The following ARHGAP24 variants were observed in gnomAD, a reference collection of about 807,000 sequenced individuals.
ARHGAP24 encodes the protein rho GTPase-activating protein 24.
A neutral mutation model predicts 76.4 loss-of-function variants in ARHGAP24; 50 were observed. The ratio of observed to expected loss-of-function variants is 0.65; its 90% CI spans 0.52 to 0.83. The LOEUF is 0.83. Among genes scored for constraint, ARHGAP24 ranks in the 40% least tolerant of loss-of-function variants. The pLI is 0.00. For missense variants in ARHGAP24, 930 were observed against 914.2 expected (o/e 1.02, Z -0.22); for synonymous variants, 345 against 323.3 (o/e 1.07, Z -0.72).
At chr4:85,755,717 C>G (rs1726466575) in intron 3 of ARHGAP24, among the ~76,000 whole-genome samples, 1 of 148,352 alleles carries the variant, frequency 6.7e-6, no homozygotes. Context: ...ACTACAACCT[C>G]TGCCTCCCAG....
At chr4:85,593,508 A>T (rs1026999654) in intron 2 of ARHGAP24, among the ~76,000 whole-genome samples, 7 of 152,034 alleles carry the variant, frequency 4.6e-5, no homozygotes, top group African/African-American at 1.4e-4. Context: ...TCCTTGTGGG[A>T]TACTACTCAA....
chr4:85,493,754 C>G (rs765146007), intron 1 of ARHGAP24, among the ~76,000 whole-genome samples: 4 of 152,198 alleles, frequency 2.6e-5, no homozygotes, highest in Non-Finnish European at 4.4e-5. Flanking sequence ...AACCAAAAAT[C>G]TGGGTGTTAC....
At chr4:85,921,336 A>G (rs1735710306) in intron 3 of ARHGAP24, among the ~76,000 whole-genome samples, 1 of 152,166 alleles carries the variant, frequency 6.6e-6, no homozygotes, top group Non-Finnish European at 1.5e-5. Context: ...AATAGTGAGA[A>G]CACATAGGCA....
intron 3 of ARHGAP24, among the ~76,000 whole-genome samples, chr4:85,874,695 A>T (rs1578328730): frequency 1.3e-5 from 2 of 148,516 alleles, no homozygotes; most frequent in East Asian, 2.0e-4. Context: ...TATTGTATTT[A>T]AAAAAATAAT....
At chr4:85,722,897 T>C (rs1725008975) in intron 3 of ARHGAP24, among the ~76,000 whole-genome samples, 2 of 152,202 alleles carry the variant, frequency 1.3e-5, no homozygotes, top group Non-Finnish European at 2.9e-5. Context: ...ATGCTGGGAA[T>C]CTAAAATGGA....
chr4:85,966,041 C>T (rs746217900), intron 5 of ARHGAP24, among the ~76,000 whole-genome samples: 1 of 152,106 alleles, frequency 6.6e-6, no homozygotes, highest in African/African-American at 2.4e-5. Context: ...AATTGGAAAT[C>T]TAAGATCAGG....
At chr4:85,588,303 C>A (rs2109978086) in intron 2 of ARHGAP24, among the ~76,000 whole-genome samples, 1 of 152,288 alleles carries the variant, frequency 6.6e-6, no homozygotes, top group South Asian at 2.1e-4. Context: ...CTTCTTGCTG[C>A]CTTTTAATGT....
At chr4:85,885,790 A>G (rs1196311811) in intron 3 of ARHGAP24, among the ~76,000 whole-genome samples, 1 of 152,172 alleles carries the variant, frequency 6.6e-6, no homozygotes, top group East Asian at 1.9e-4. Flanking sequence ...GTCATTTAAC[A>G]TCTGAGCTTT....
intron 3 of ARHGAP24, among the ~76,000 whole-genome samples, chr4:85,769,744 C>T (rs1316826852): frequency 1.3e-5 from 2 of 151,804 alleles, no homozygotes; most frequent in Admixed American, 6.6e-5. Context: ...CCCGCCACTA[C>T]GCCCAGCTAA....
At chr4:85,506,873 C>A in intron 1 of ARHGAP24, among the ~76,000 whole-genome samples, 1 of 128,836 alleles carries the variant, frequency 7.8e-6, no homozygotes, top group East Asian at 2.4e-4. Flanking sequence ...ATTCGGCTAT[C>A]TTGGAATGGG....
At chr4:85,860,129 G>A (rs4693749) in intron 3 of ARHGAP24, among the ~76,000 whole-genome samples, 72,378 of 151,952 alleles carry the variant, frequency 0.48, 18,760 homozygotes, top group East Asian at 0.86. Flanking sequence ...GCTTGCCACG[G>A]GAAGTGTATT....
intron 1 of ARHGAP24, among the ~76,000 whole-genome samples, chr4:85,506,118 C>T (rs570581512): frequency 1.3e-5 from 2 of 152,172 alleles, no homozygotes; most frequent in East Asian, 1.9e-4. Flanking sequence ...CTGGAAGCTT[C>T]GTCCAAGAGA....
intron 2 of ARHGAP24, among the ~76,000 whole-genome samples, chr4:85,692,454 G>A (rs1159444428): frequency 1.3e-5 from 2 of 152,130 alleles, no homozygotes; most frequent in African/African-American, 4.8e-5. Flanking sequence ...TCTGTCTCAG[G>A]AATGCCAATG....
At chr4:85,898,031 GTGTATA>G (rs1165682761) in intron 3 of ARHGAP24, among the ~76,000 whole-genome samples, 1,557 of 79,566 alleles carry the variant, frequency 0.02, 23 homozygotes, top group East Asian at 0.1. Flanking sequence ...ACACATATAT[GTGTATA>G]TATATATATA....
At chr4:85,996,257 C>T (rs1740650785) in intron 9 of ARHGAP24, among the ~76,000 whole-genome samples, 1 of 152,092 alleles carries the variant, frequency 6.6e-6, no homozygotes, top group Non-Finnish European at 1.5e-5. Context: ...GATAGAAATC[C>T]ATGGAGGTTT....
chr4:85,798,876 A>G (rs1728469364), intron 3 of ARHGAP24, among the ~76,000 whole-genome samples: 1 of 152,160 alleles, frequency 6.6e-6, no homozygotes, highest in Non-Finnish European at 1.5e-5. Flanking sequence ...TTGGATATAG[A>G]AGAAATAAAA....
intron 4 of ARHGAP24, among the ~76,000 whole-genome samples, chr4:85,941,146 G>A (rs1009723366): frequency 6.6e-6 from 1 of 152,042 alleles, no homozygotes; most frequent in Admixed American, 6.5e-5. Context: ...TGCTTTGGCT[G>A]TTTTTTCCCC....
chr4:85,753,077 G>A (rs889932654), intron 3 of ARHGAP24, among the ~76,000 whole-genome samples: 39 of 152,304 alleles, frequency 2.6e-4, no homozygotes, highest in African/African-American at 8.2e-4. Context: ...ATAAGAGGAT[G>A]TGAGAGTGAA....
chr4:85,706,534 G>A (rs967905311), intron 2 of ARHGAP24, among the ~76,000 whole-genome samples: 3 of 151,168 alleles, frequency 2.0e-5, no homozygotes, highest in Non-Finnish European at 2.9e-5. Context: ...CCTGAAACAC[G>A]TGCTTTTCAA....
Sources: gnomAD v4.1 joint callset for allele counts (sites outside exome capture counted in the v4.1 genomes callset) on GRCh38, gnomAD v4.1.1 for gene constraint, MANE v1.5 for transcripts, NCBI Gene and HGNC (gene_info 2026-07-23, HGNC 2026-07-21) for gene names.